The following RELB variants were observed in gnomAD, a reference collection of about 807,000 sequenced individuals.
The protein encoded by RELB is RELB proto-oncogene, NF-kB subunit, also known as transcription factor RelB.
In RELB, 14 loss-of-function variants were observed where a neutral mutation model predicts 55.4. That is an observed-to-expected ratio of 0.25 (90% CI 0.17 to 0.40). RELB has a LOEUF of 0.40. RELB is among the 10% of genes least tolerant of loss of function. RELB has a pLI of 1.00. For missense variants in RELB, 669 were observed against 830.7 expected, an observed-to-expected ratio of 0.81 and a Z score of 2.39; for synonymous variants, 409 against 371.3, an observed-to-expected ratio of 1.10 and a Z score of -1.17.
At position 45,037,424 on chromosome 19, in the gene RELB, A is replaced by G; in HGVS notation, c.1374A>G (p.Ser458=). ...NHGSGPFLPP[S]ALLPDPDFFS... ...CCGTAGGCCCGTTCCTCCCGCCGTC[A>G]GCCCTGCTGCCAGACCCTGACTTCT... Residue 458 remains serine (S), a synonymous_variant, in exon 12 of 12, where the codon TCA becomes TCG. Transcript: ENST00000221452. The G allele has an allele frequency of 1.3e-6, 2 of 1,587,870 alleles. No homozygotes were observed. The highest frequency in any genetic ancestry group is 1.3e-5 in the African/African-American group (1 of 74,270).
chr19:45,011,232 G>A (rs148103406), intron 3 of RELB, among the ~76,000 whole-genome samples: 3,615 of 151,478 alleles, frequency 0.024, 104 homozygotes, highest in African/African-American at 0.057. Flanking sequence ...ACGCAATCTC[G>A]GCTCACTGCA....
At chr19:45,021,732 G>A (rs932338772) in intron 4 of RELB, 4 of 208,114 alleles carry the variant, frequency 1.9e-5, no homozygotes, top group Admixed American at 1.7e-4. Flanking sequence ...GCGCCACCAT[G>A]CCGGGCTAAT....
At chr19:45,023,283 T>G (rs1971511615) in intron 5 of RELB, among the ~76,000 whole-genome samples, 1 of 152,146 alleles carries the variant, frequency 6.6e-6, no homozygotes. Context: ...GAGCACCTGA[T>G]TCTCCACAAC....
intron 4 of RELB, among the ~76,000 whole-genome samples, chr19:45,017,102 TA>T (rs1350248141): frequency 2.6e-5 from 4 of 152,098 alleles, no homozygotes; most frequent in Non-Finnish European, 5.9e-5. Flanking sequence ...ATTTTTCCCC[TA>T]GGGGGCAGCA....
At chr19:45,023,022 T>C (rs1192187733) in intron 5 of RELB, among the ~76,000 whole-genome samples, 3 of 152,202 alleles carry the variant, frequency 2.0e-5, no homozygotes, top group African/African-American at 7.2e-5. Context: ...GGTAGAGCCC[T>C]AAAGGCAGCA....
intron 4 of RELB, among the ~76,000 whole-genome samples, chr19:45,014,503 C>T (rs183994305): frequency 5.0e-4 from 71 of 141,768 alleles, no homozygotes; most frequent in Non-Finnish European, 4.1e-4. Context: ...GTTATTCTGG[C>T]TCAGAGTTTT....
intron 5 of RELB, 59 bp downstream of exon 5, chr19:45,022,269 G>GT: frequency 4.7e-6 from 7 of 1,487,108 alleles, no homozygotes; most frequent in Non-Finnish European, 6.3e-6. Flanking sequence ...TAAGCGACTG[G>GT]AGGCCACCCA....
rs35336204 is a variant in RELB, at chr19:45,012,129, G to A, written c.357G>A (p.Pro119=). ...TGGGCCGACTAGTGTCCCCAGCGCC[G>A]GGCCCGGGCCCGCAGCCGCACCTGG... The part of the protein sequence containing the change: ...CPLGRLVSPA[P]GPGPQPHLVI... The change falls in exon 4 of 12, where the codon CCG becomes CCA. Residue 119 remains proline, a synonymous_variant. Coordinates refer to ENST00000221452, the MANE Select transcript of RELB (RefSeq NM_006509.4). 3.8e-4 allele frequency: 595 copies of A among 1,555,980 alleles called. 1 individual carries two copies. In the African/African-American group the frequency reaches 7.7e-3, roughly 20 times the overall value.
intron 3 of RELB, 24 bp from the exon 4 acceptor site, chr19:45,011,912 C>G: frequency 2.8e-6 from 4 of 1,426,380 alleles, no homozygotes; most frequent in Non-Finnish European, 3.7e-6. Context: ...TGGGCGTCAC[C>G]ACCCGTTTTT....
At position 45,037,972 on chromosome 19, in the gene RELB, A is replaced by C. The variant is rs1971720063; in HGVS notation, c.*182A>C. On this transcript the variant is annotated 3_prime_UTR_variant, in exon 12 of 12. Transcript: ENST00000221452. ...TCCCCTTGAGCCCATTTTACAGATG[A>C]GGAAACTGAGTCCGGAGAGGAAAAG... 1 of 520,496 alleles carries C rather than the reference A, an allele frequency of 1.9e-6. No individual in the cohort carries two copies. Among genetic ancestry groups the C allele is most frequent in the Non-Finnish European group, 3.1e-6 (1 of 320,680 alleles). 32.2% of individuals were successfully genotyped at this position (520,496 alleles called of 1,614,324 possible).
chr19:45,036,153 A>G (rs1971683477), intron 11 of RELB, among the ~76,000 whole-genome samples: 1 of 151,892 alleles, frequency 6.6e-6, no homozygotes, highest in Admixed American at 6.5e-5. Flanking sequence ...GCTCACTGCA[A>G]TGTCCACCTC....
chr19:45,027,306 C>T (rs1439092300), intron 7 of RELB, among the ~76,000 whole-genome samples: 2 of 151,260 alleles, frequency 1.3e-5, no homozygotes, highest in Non-Finnish European at 2.9e-5. Context: ...TCTATTTGTT[C>T]TATTAACGAG....
At chr19:45,017,461 A>AAAAAAAAAAC (rs1568400066) in intron 4 of RELB, among the ~76,000 whole-genome samples, 2 of 151,330 alleles carry the variant, frequency 1.3e-5, no homozygotes, top group African/African-American at 4.9e-5. Context: ...AAAAAAAAAA[A>AAAAAAAAAAC]AACAATTCTG....
intron 4 of RELB, among the ~76,000 whole-genome samples, chr19:45,019,834 C>A (rs905181922): frequency 2.6e-5 from 4 of 152,108 alleles, no homozygotes; most frequent in Non-Finnish European, 5.9e-5. Flanking sequence ...TGTGCCACCA[C>A]GTGCGGCTAA....
At chr19:45,003,612 A>G (rs1321320519) in intron 2 of RELB, 2 of 518,244 alleles carry the variant, frequency 3.9e-6, no homozygotes, top group South Asian at 1.4e-5. Flanking sequence ...TGGGGTTTAC[A>G]TACTGCTGTC....
At chr19:45,023,588 C>T (rs1352106632) in intron 5 of RELB, among the ~76,000 whole-genome samples, 2 of 151,342 alleles carry the variant, frequency 1.3e-5, no homozygotes, top group East Asian at 1.9e-4. Flanking sequence ...CAGGCGCCCA[C>T]CACCACACCC....
Position 45,037,869 on chromosome 19 carries a change from C to T in RELB, c.*79C>T, listed in dbSNP as rs540766850. Reference sequence around the variant, plus strand: ...GCAATCCCAACCAGGATGTCTAGCACCCCCATCCCCTTGGCCCTTCCTCAT... The same window carrying T: ...GCAATCCCAACCAGGATGTCTAGCATCCCCATCCCCTTGGCCCTTCCTCAT... On this transcript the variant is annotated 3_prime_UTR_variant, in exon 12 of 12. Coordinates refer to ENST00000221452, the MANE Select transcript of RELB (RefSeq NM_006509.4). The T allele has an allele frequency of 1.8e-5, 24 of 1,363,422 alleles. No homozygotes were observed. The highest frequency in any genetic ancestry group is 5.5e-5 in the Admixed American group (2 of 36,044). 84.5% of individuals were successfully genotyped at this position (1,363,422 alleles called of 1,614,324 possible).
In RELB at chr19:45,025,312, C is replaced by T. The variant is rs1346266497; in HGVS notation, c.663-17C>T. 2 of 1,590,894 alleles carry T rather than the reference C, an allele frequency of 1.3e-6. No homozygotes were observed. The highest frequency in any genetic ancestry group is 2.3e-5 in the East Asian group (1 of 44,292). ...CTGCTCACGAGCACTCCTCTCCCTCCCCCGTCACCCCCTCAGTTTTAACAA... is the reference window on the plus strand; with the variant it reads ...CTGCTCACGAGCACTCCTCTCCCTCTCCCGTCACCCCCTCAGTTTTAACAA... On this transcript the variant is annotated splice_polypyrimidine_tract_variant and intron_variant, in intron 5 of 11. Transcript: ENST00000221452.
chr19:45,009,692 G>A, intron 2 of RELB, 122 bp from the exon 3 acceptor site: 2 of 1,154,492 alleles, frequency 1.7e-6, no homozygotes, highest in Non-Finnish European at 2.5e-6. Flanking sequence ...GGGTTTCCCA[G>A]GACGGAGGAA....
Sources: gnomAD v4.1 joint callset for allele counts (sites outside exome capture counted in the v4.1 genomes callset) on GRCh38, gnomAD v4.1.1 for gene constraint, MANE v1.5 for transcripts, NCBI Gene and HGNC (gene_info 2026-07-23, HGNC 2026-07-21) for gene names.